The following LIPK variants were observed in gnomAD, a reference collection of about 807,000 sequenced individuals.
LIPK encodes lipase member K.
Under a neutral mutation model 48.6 loss-of-function variants are expected in LIPK, and 32 were observed. The observed-to-expected ratio is 0.66, with a 90% CI of 0.50 to 0.88. The LOEUF (loss-of-function observed/expected upper bound fraction) is 0.88. LIPK is among the 40% of genes least tolerant of loss of function. The probability of loss-of-function intolerance (pLI) is 0.00; values close to 1 mark genes in which losing one functional copy is unlikely to be tolerated. For missense variants in LIPK, 507 were observed against 478.5 expected (o/e 1.06, Z -0.56); for synonymous variants, 164 against 157.4 (o/e 1.04, Z -0.32).
intron 9 of LIPK, among the ~76,000 whole-genome samples, chr10:88,750,613 C>T (rs1760262863): frequency 6.6e-6 from 1 of 152,060 alleles, no homozygotes; most frequent in Non-Finnish European, 1.5e-5. Context: ...TTTACATGGA[C>T]ACAAAGAGGG....
chr10:88,741,161 C>T (rs1431179023), intron 8 of LIPK, among the ~76,000 whole-genome samples: 1 of 152,126 alleles, frequency 6.6e-6, no homozygotes, highest in African/African-American at 2.4e-5. Flanking sequence ...TTAGTAAAGG[C>T]ATTGATATCC....
intron 8 of LIPK, among the ~76,000 whole-genome samples, chr10:88,742,477 T>G (rs1205948129): frequency 6.6e-6 from 1 of 152,220 alleles, no homozygotes; most frequent in African/African-American, 2.4e-5. Context: ...GAGAATAATT[T>G]AATGAAGTGC....
chr10:88,717,108 T>C (rs1443909394), intron 1 of LIPK, among the ~76,000 whole-genome samples: 1 of 152,098 alleles, frequency 6.6e-6, no homozygotes, highest in Admixed American at 6.5e-5. Flanking sequence ...AGATCCCACA[T>C]GTTTGATTCC....
intron 1 of LIPK, among the ~76,000 whole-genome samples, chr10:88,713,428 C>T (rs990524223): frequency 4.0e-5 from 6 of 151,256 alleles, no homozygotes; most frequent in East Asian, 1.9e-4. Context: ...TTATTTCTGG[C>T]GACTAGAAAA....
intron 6 of LIPK, among the ~76,000 whole-genome samples, chr10:88,734,099 G>A (rs191817158): frequency 6.0e-4 from 91 of 152,204 alleles, no homozygotes; most frequent in African/African-American, 4.1e-4. Flanking sequence ...TCCAATAGAG[G>A]AACTATAGTA....
chr10:88,713,892 G>A (rs1842068597), intron 1 of LIPK, among the ~76,000 whole-genome samples: 1 of 151,878 alleles, frequency 6.6e-6, no homozygotes, highest in Non-Finnish European at 1.5e-5. Context: ...AGAGGTTGCA[G>A]TGAGCCAAGA....
At chr10:88,728,005 G>A (rs994528044) in intron 3 of LIPK, 5 of 369,422 alleles carry the variant, frequency 1.4e-5, no homozygotes, top group Non-Finnish European at 2.2e-5. Context: ...GAAGGTGGAG[G>A]TGGAGCTTGA....
At chr10:88,732,672 C>A in intron 6 of LIPK, 121 bp downstream of exon 6, 1 of 1,023,868 alleles carries the variant, frequency 9.8e-7, no homozygotes, top group Non-Finnish European at 1.4e-6. Context: ...TTCAAGATAT[C>A]CATGTAAGTT....
chr10:88,726,266 G>A (rs1424497827), intron 2 of LIPK, among the ~76,000 whole-genome samples: 1 of 152,054 alleles, frequency 6.6e-6, no homozygotes, highest in Admixed American at 6.5e-5. Flanking sequence ...AAGAATGTAG[G>A]GTCACCCCAC....
intron 8 of LIPK, among the ~76,000 whole-genome samples, chr10:88,742,409 T>C (rs1447690848): frequency 6.6e-6 from 1 of 152,104 alleles, no homozygotes; most frequent in Non-Finnish European, 1.5e-5. Context: ...AGGACTAAAT[T>C]GGTAAGTGGG....
intron 1 of LIPK, among the ~76,000 whole-genome samples, chr10:88,711,554 C>A (rs1217490626): frequency 6.6e-6 from 1 of 152,124 alleles, no homozygotes; most frequent in African/African-American, 2.4e-5. Flanking sequence ...CTCACTGCAA[C>A]CTCCACCTCC....
rs1224485799 is a variant in LIPK, at chr10:88,739,130, T to C, written c.817-866T>C. On this transcript the variant is annotated intron_variant, in intron 7 of 9. Coordinates refer to ENST00000404190, the MANE Select transcript of LIPK (RefSeq NM_001080518.2). ...TTTTGTTTTTGTTTTTGTTCTTGTGTGTGTTTGTGGTTGTTTATCCATAAG... is the reference window on the plus strand; with the variant it reads ...TTTTGTTTTTGTTTTTGTTCTTGTGCGTGTTTGTGGTTGTTTATCCATAAG... Among the ~76,000 whole-genome samples, 8 of 152,218 alleles carry C rather than the reference T, an allele frequency of 5.3e-5. No individual in the cohort carries two copies. The East Asian group carries it at 1.5e-3, about 29-fold the overall frequency.
intron 9 of LIPK, among the ~76,000 whole-genome samples, chr10:88,743,784 A>C (rs940868599): frequency 2.0e-5 from 3 of 152,168 alleles, no homozygotes; most frequent in Non-Finnish European, 4.4e-5. Flanking sequence ...GTTGCTGAGC[A>C]CCAGGACTCA....
intron 9 of LIPK, among the ~76,000 whole-genome samples, chr10:88,750,233 A>G (rs562986877): frequency 1.1e-4 from 16 of 152,308 alleles, no homozygotes; most frequent in African/African-American, 3.6e-4. Context: ...GCCATTGTGG[A>G]AAGCAATGTG....
intron 3 of LIPK, chr10:88,728,602 A>C: frequency 2.1e-6 from 1 of 477,058 alleles, no homozygotes; most frequent in South Asian, 1.6e-5. Flanking sequence ...GAGCTGATGA[A>C]TGTCAAGCTG....
chr10:88,718,334 T>C (rs1025688561), intron 1 of LIPK, among the ~76,000 whole-genome samples: 86 of 148,500 alleles, frequency 5.8e-4, no homozygotes, highest in African/African-American at 2.1e-3. Context: ...AAGTATAATA[T>C]AGGATGAAAA....
intron 6 of LIPK, among the ~76,000 whole-genome samples, chr10:88,737,257 C>G (rs1016464574): frequency 2.0e-5 from 3 of 152,104 alleles, no homozygotes; most frequent in Non-Finnish European, 4.4e-5. Flanking sequence ...AACAGCCCTA[C>G]CCAGTAGAAA....
chr10:88,729,097 G>T (rs376045), intron 3 of LIPK, among the ~76,000 whole-genome samples: 1 of 151,930 alleles, frequency 6.6e-6, no homozygotes, highest in East Asian at 1.9e-4. Context: ...CTTGCCTCCA[G>T]CTGAAAAAAC....
rs749596272 is a variant in LIPK at position 88,726,858 on chromosome 10, TATATC to T, written c.170_174del (p.Tyr57SerfsTer5). Reference sequence around the variant, plus strand: ...GTATGATGTTACAACAAAAGATGGTTATATCCTTGGAATTTATAGGATTCCACATG... The same window carrying T: ...GTATGATGTTACAACAAAAGATGGTTCTTGGAATTTATAGGATTCCACATG... On this transcript the variant is annotated frameshift_variant, in exon 3 of 10. Coordinates refer to ENST00000404190, the MANE Select transcript of LIPK (RefSeq NM_001080518.2). LOFTEE classifies it high-confidence loss of function. The T allele has an allele frequency of 3.5e-5, 57 of 1,608,528 alleles. 1 individual carries two copies. The South Asian group carries it at 6.0e-4, about 17-fold the overall frequency.
Sources: allele counts gnomAD v4.1 joint callset (sites outside exome capture counted in the v4.1 genomes callset), GRCh38; gene constraint gnomAD v4.1.1; transcripts MANE v1.5; gene names NCBI Gene and HGNC (gene_info 2026-07-23, HGNC 2026-07-21).